The following ITGAE variants were observed in gnomAD, a reference collection of about 807,000 sequenced individuals.
ITGAE encodes the protein integrin subunit alpha E, also known as integrin alpha-E.
Under a neutral mutation model 136.5 loss-of-function variants are expected in ITGAE, and 99 were observed. That is an observed-to-expected ratio of 0.73 (90% CI 0.62 to 0.86). The LOEUF (loss-of-function observed/expected upper bound fraction) is 0.86, where lower values mean the gene tolerates loss of function less well. ITGAE is among the 40% of genes least tolerant of loss of function. ITGAE has a pLI of 0.00. For missense variants in ITGAE, 1,447 were observed against 1,515.3 expected (o/e 0.95, Z 0.75); for synonymous variants, 613 against 591.8 (o/e 1.04, Z -0.52).
intron 3 of ITGAE, among the ~76,000 whole-genome samples, chr17:3,763,226 T>C (rs968698923): frequency 6.6e-6 from 1 of 152,134 alleles, no homozygotes; most frequent in Non-Finnish European, 1.5e-5. Context: ...TATTTATATA[T>C]ATATAGCCAA....
intron 2 of ITGAE, among the ~76,000 whole-genome samples, chr17:3,769,236 A>C (rs2052365032): frequency 6.6e-6 from 1 of 152,116 alleles, no homozygotes; most frequent in African/African-American, 2.4e-5. Flanking sequence ...CTCCTGCTGC[A>C]GAGCAATCAT....
At position 3,787,818 on chromosome 17, in the gene ITGAE, C is replaced by T. The variant is rs1038105534; in HGVS notation, c.35-10158G>A. On this transcript the variant is annotated intron_variant, in intron 1 of 30. Transcript: ENST00000263087. ...TTCTCCTGCCTCAGCCTCCTGAGTA[C>T]CTGGAATTACAGATGCCCGCCACCA... Among the ~76,000 whole-genome samples the T allele has an allele frequency of 2.6e-5, 4 of 151,598 alleles. No homozygotes were observed. In the South Asian group the frequency reaches 8.3e-4, roughly 32 times the overall value.
chr17:3,781,313 C>T (rs2052661411), intron 1 of ITGAE, among the ~76,000 whole-genome samples: 1 of 151,802 alleles, frequency 6.6e-6, no homozygotes, highest in East Asian at 1.9e-4. Context: ...ACTCATGTTT[C>T]CTTCTATATT....
At position 3,759,454 on chromosome 17, in the gene ITGAE, T is replaced by C. The variant is rs1337056230; in HGVS notation, c.814A>G (p.Ile272Val). The C allele has an allele frequency of 1.2e-6, 2 of 1,614,204 alleles. No individual in the cohort carries two copies. The highest frequency in any genetic ancestry group is 1.7e-6 in the Non-Finnish European group (2 of 1,180,034). Residue 272 changes from isoleucine (I) to valine (V), a missense_variant, in exon 8 of 31, where the codon ATC (isoleucine) becomes GTC (valine). By Grantham distance (29) the Ile-to-Val change is conservative. Coordinates refer to ENST00000263087, the MANE Select transcript of ITGAE (RefSeq NM_002208.5). ...VMASLARVQN[I>V]TQVGSVTKTA... Reference sequence around the variant, plus strand: ...TTGGTGACACTCCCCACTTGAGTGATGTTCTGGACTCTGGCGAGGGAGGCC... The same window carrying C: ...TTGGTGACACTCCCCACTTGAGTGACGTTCTGGACTCTGGCGAGGGAGGCC...
At chr17:3,789,619 A>G (rs546821770) in intron 1 of ITGAE, among the ~76,000 whole-genome samples, 40 of 146,008 alleles carry the variant, frequency 2.7e-4, no homozygotes, top group Admixed American at 9.6e-4. Flanking sequence ...TCCTGCCTCA[A>G]CCTCCCCTGT....
chr17:3,786,044 G>A (rs113745440), intron 1 of ITGAE, among the ~76,000 whole-genome samples: 1 of 151,714 alleles, frequency 6.6e-6, no homozygotes, highest in Non-Finnish European at 1.5e-5. Flanking sequence ...GCGGGCGCCT[G>A]TAGTCCCAGC....
At chr17:3,723,980 A>C (rs1197018226) in intron 26 of ITGAE, 1 of 1,592,734 alleles carries the variant, frequency 6.3e-7, no homozygotes, top group Non-Finnish European at 8.5e-7. Context: ...TTTTCCGCAC[A>C]TATGGGGCTG....
intron 18 of ITGAE, 144 bp downstream of exon 18, chr17:3,745,620 G>C (rs2051693619): frequency 2.5e-6 from 2 of 810,386 alleles, no homozygotes; most frequent in South Asian, 1.8e-5. Flanking sequence ...GGGATGACAG[G>C]CGTGAGCCAC....
chr17:3,747,545 G>A (rs762485803), intron 17 of ITGAE, among the ~76,000 whole-genome samples: 7 of 152,234 alleles, frequency 4.6e-5, no homozygotes, highest in Middle Eastern at 6.8e-3. Flanking sequence ...TCCTGACCGC[G>A]TGATCTGCCC....
rs547157024 is a variant in ITGAE at position 3,748,245 on chromosome 17, C to A, written c.2025-193G>T. Among the ~76,000 whole-genome samples the A allele has an allele frequency of 3.3e-5, 5 of 152,182 alleles. No homozygotes were observed. The South Asian group carries it at 1.0e-3, about 32-fold the overall frequency. On this transcript the variant is annotated intron_variant, in intron 16 of 30. Coordinates refer to ENST00000263087, the MANE Select transcript of ITGAE (RefSeq NM_002208.5). ...GGAAAGCAGACAACAAGCAAATAAA[C>A]GAGAGAAACAGGGAGATACTATGTA...
At position 3,731,104 on chromosome 17, in the gene ITGAE, T is replaced by C; in HGVS notation, c.2834A>G (p.Asn945Ser). 6.2e-7 allele frequency: 1 copy of C among 1,612,382 alleles called. No homozygotes were observed. The highest frequency in any genetic ancestry group is 8.5e-7 in the Non-Finnish European group (1 of 1,178,598). The change falls in exon 23 of 31, where the codon AAT becomes AGT. Residue 945 changes from asparagine (N) to serine (S), a missense_variant and splice_region_variant. Transcript: ENST00000263087. ...CTGCTGTGACCCAGGCAGTACTTAC[T>C]TGGTGACAGTCACAGTGATGTCTGC... ...RTADITVTVT[N>S]SNERRSLANE...
chr17:3,729,309 A>T, intron 24 of ITGAE, 169 bp downstream of exon 24: 1 of 601,146 alleles, frequency 1.7e-6, no homozygotes, highest in Non-Finnish European at 3.0e-6. Context: ...TGTGACCCAA[A>T]TGTTAGCACC....
intron 1 of ITGAE, among the ~76,000 whole-genome samples, chr17:3,792,019 G>A (rs529465642): frequency 6.6e-6 from 1 of 152,258 alleles, no homozygotes; most frequent in Non-Finnish European, 1.5e-5. Context: ...GAGGAACCTG[G>A]GGAGATGGCT....
At chr17:3,738,981 C>T (rs2051522577) in intron 20 of ITGAE, 1 of 152,352 alleles carries the variant, frequency 6.6e-6, no homozygotes, top group Non-Finnish European at 1.5e-5. Flanking sequence ...AAAAGCCCTT[C>T]TGAGGGCTTA....
intron 20 of ITGAE, among the ~76,000 whole-genome samples, chr17:3,736,080 T>C (rs2051454153): frequency 6.6e-6 from 1 of 151,912 alleles, no homozygotes; most frequent in African/African-American, 2.4e-5. Flanking sequence ...TAGGGGGAGT[T>C]TGCAGAGGGC....
intron 1 of ITGAE, among the ~76,000 whole-genome samples, chr17:3,788,203 T>C (rs1435590318): frequency 4.0e-5 from 6 of 151,636 alleles, no homozygotes; most frequent in Admixed American, 3.9e-4. Flanking sequence ...ACTTACTTTT[T>C]TTTTTTTTTG....
rs1353364154 is a variant in ITGAE at position 3,774,110 on chromosome 17, C to T, written c.155+3430G>A. Among the ~76,000 whole-genome samples the T allele has an allele frequency of 1.8e-4, 27 of 152,260 alleles. No individual in the cohort carries two copies. The East Asian group carries it at 5.2e-3, about 29-fold the overall frequency. ...GCTTCGGGAGCCACCACTGCCCACCCATCCTATTCAAGCAAAGCTCCCGCC... is the reference window on the plus strand; with the variant it reads ...GCTTCGGGAGCCACCACTGCCCACCTATCCTATTCAAGCAAAGCTCCCGCC... On this transcript the variant is annotated intron_variant, in intron 2 of 30. Transcript: ENST00000263087.
At chr17:3,723,557 A>C in intron 27 of ITGAE, 131 bp downstream of exon 27, 1 of 1,091,798 alleles carries the variant, frequency 9.2e-7, no homozygotes, top group Non-Finnish European at 1.3e-6. Flanking sequence ...CCCAGGGACG[A>C]AGCTAGGGAG....
At chr17:3,776,470 C>G (rs1274408209) in intron 2 of ITGAE, among the ~76,000 whole-genome samples, 3 of 152,194 alleles carry the variant, frequency 2.0e-5, no homozygotes, top group African/African-American at 7.2e-5. Context: ...AGCTCAGGCC[C>G]GAGCACCTTG....
Sources: gnomAD v4.1 joint callset for allele counts (sites outside exome capture counted in the v4.1 genomes callset) on GRCh38, gnomAD v4.1.1 for gene constraint, MANE v1.5 for transcripts, NCBI Gene and HGNC (gene_info 2026-07-23, HGNC 2026-07-21) for gene names.